Variants in PTPRZ1 observed in about 807,000 individuals in gnomAD.
PTPRZ1 encodes the protein receptor-type tyrosine-protein phosphatase zeta.
PTPRZ1 carries 82 observed loss-of-function variants against 214.1 expected under a neutral mutation model. The observed-to-expected ratio is 0.38, with a 90% CI of 0.32 to 0.46. The LOEUF is 0.46. Ranked by LOEUF, PTPRZ1 falls within the 20% of genes least tolerant of loss-of-function variation. PTPRZ1 has a pLI of 1.00. For missense variants in PTPRZ1, 2,603 were observed against 2,748.7 expected (o/e 0.95, Z 1.19); for synonymous variants, 945 against 987.9 (o/e 0.96, Z 0.81).
intron 24 of PTPRZ1, 65 bp downstream of exon 24, chr7:122,051,586 G>A (rs1052397119): frequency 4.3e-6 from 6 of 1,402,154 alleles, no homozygotes; most frequent in Non-Finnish European, 6.0e-6. Context: ...TAGGAAATTT[G>A]GCAATATTTG....
chr7:121,884,312 CTA>C (rs1794333533), intron 1 of PTPRZ1, among the ~76,000 whole-genome samples: 1 of 151,948 alleles, frequency 6.6e-6, no homozygotes, highest in Non-Finnish European at 1.5e-5. Context: ...ATATATGCAT[CTA>C]TATACACACC....
chr7:121,969,156 T>G (rs957759046), intron 3 of PTPRZ1, among the ~76,000 whole-genome samples: 3 of 152,190 alleles, frequency 2.0e-5, no homozygotes, highest in Admixed American at 6.5e-5. Context: ...AAGAATCACT[T>G]GAACTCAAGA....
intron 27 of PTPRZ1, among the ~76,000 whole-genome samples, chr7:122,057,842 G>A (rs1050406035): frequency 2.0e-5 from 3 of 151,158 alleles, no homozygotes; most frequent in Admixed American, 6.6e-5. Flanking sequence ...TTGACTTTTT[G>A]TATTATATTT....
chr7:122,046,914 A>G (rs1242427246), intron 23 of PTPRZ1, among the ~76,000 whole-genome samples: 1 of 152,214 alleles, frequency 6.6e-6, no homozygotes, highest in Non-Finnish European at 1.5e-5. Context: ...CCAATTAAAA[A>G]TGAAATGTCT....
chr7:121,960,062 G>A (rs967116745), intron 2 of PTPRZ1, among the ~76,000 whole-genome samples: 4 of 152,090 alleles, frequency 2.6e-5, no homozygotes, highest in Admixed American at 6.6e-5. Context: ...TTTTTGAGGC[G>A]GTGTCTTGCT....
chr7:122,044,105 T>C (rs915420381), intron 22 of PTPRZ1, among the ~76,000 whole-genome samples: 3 of 152,016 alleles, frequency 2.0e-5, no homozygotes, highest in Admixed American at 2.0e-4. Context: ...TCTCATGAAG[T>C]ATAGAGGTGT....
In PTPRZ1 at chr7:122,012,188, T is replaced by C; in HGVS notation, c.3142T>C (p.Tyr1048His). The C allele has an allele frequency of 1.2e-6, 2 of 1,613,946 alleles. No individual in the cohort carries two copies. Among genetic ancestry groups the C allele is most frequent in the Non-Finnish European group, 1.7e-6 (2 of 1,179,820 alleles). The change falls in exon 12 of 30, where the codon TAT becomes CAT. Residue 1048 changes from tyrosine (Y) to histidine (H), a missense_variant. By Grantham distance (83) the Tyr-to-His change is moderately conservative. Coordinates refer to ENST00000393386, the MANE Select transcript of PTPRZ1 (RefSeq NM_002851.3). ...GGCGCTTTCTAAAAGTGAAATAATA[T>C]ATGGAAATGAGACTGAACTGCAAAT... ...NKALSKSEII[Y>H]GNETELQIPS...
Position 122,012,791 on chromosome 7 carries a change from ACTT to A in PTPRZ1, c.3748_3750del (p.Ser1250del). On this transcript the variant is annotated inframe_deletion, in exon 12 of 30. Transcript: ENST00000393386. ...TGTACCAGTTTTTGATGTGTCGCCT[ACTT>A]CTCATATGCACTCTGCTTCACTTCA... The A allele has an allele frequency of 6.2e-7, 1 of 1,611,562 alleles. No individual in the cohort carries two copies. Among genetic ancestry groups the A allele is most frequent in the Non-Finnish European group, 8.5e-7 (1 of 1,177,746 alleles).
At chr7:121,907,091 T>C (rs1584625062) in intron 1 of PTPRZ1, among the ~76,000 whole-genome samples, 1 of 152,108 alleles carries the variant, frequency 6.6e-6, no homozygotes, top group African/African-American at 2.4e-5. Flanking sequence ...ACACTATTCA[T>C]AGAGTTCAAT....
intron 11 of PTPRZ1, among the ~76,000 whole-genome samples, chr7:122,007,609 A>G (rs947031849): frequency 6.6e-6 from 1 of 152,160 alleles, no homozygotes; most frequent in Non-Finnish European, 1.5e-5. Context: ...TGCATGGAAT[A>G]TATTCATAAT....
chr7:122,010,510 A>G lies in PTPRZ1; in HGVS notation c.1464A>G (p.Glu488=), dbSNP rs1207245353. The stretch of plus-strand genomic sequence containing the variant: ...ACCGATCCCCAACAAGAGGAAGTGA[A>G]TTCTCTGGAAAGGGTGATGTTCCCA... The part of the protein sequence containing the change: ...KTNRSPTRGS[E]FSGKGDVPNT... Residue 488 remains glutamate (E), a synonymous_variant, in exon 12 of 30, where the codon GAA becomes GAG. Coordinates refer to ENST00000393386, the MANE Select transcript of PTPRZ1 (RefSeq NM_002851.3). 6.2e-7 allele frequency: 1 copy of G among 1,613,912 alleles called. No homozygotes were observed. The highest frequency in any genetic ancestry group is 1.3e-5 in the African/African-American group (1 of 74,926).
intron 23 of PTPRZ1, among the ~76,000 whole-genome samples, chr7:122,045,049 C>T (rs1438245825): frequency 6.6e-6 from 1 of 152,156 alleles, no homozygotes; most frequent in East Asian, 1.9e-4. Context: ...CTCCCCCTCA[C>T]CCTGTCTCAA....
At chr7:121,959,013 C>T (rs1349695204) in intron 2 of PTPRZ1, among the ~76,000 whole-genome samples, 5 of 152,038 alleles carry the variant, frequency 3.3e-5, no homozygotes, top group Admixed American at 2.6e-4. Context: ...TTAGTAGAGG[C>T]GGGGTTTCAC....
Position 122,010,412 on chromosome 7 carries a change from A to G in PTPRZ1, c.1366A>G (p.Lys456Glu). The change falls in exon 12 of 30, where the codon AAA (lysine) becomes GAA (glutamate). Residue 456 changes from lysine (K) to glutamate (E), a missense_variant. By Grantham distance (56) the Lys-to-Glu change is moderately conservative. Coordinates refer to ENST00000393386, the MANE Select transcript of PTPRZ1 (RefSeq NM_002851.3). ...GRDSATNQIR[K>E]KEPQISTTTH... is the part of the protein sequence containing the mutation. ...AGACAGTGCTACAAACCAAATCAGGAAAAAGGAACCCCAGATTTCTACCAC... is the reference window on the plus strand; with the variant it reads ...AGACAGTGCTACAAACCAAATCAGGGAAAAGGAACCCCAGATTTCTACCAC... 1.2e-6 allele frequency: 2 copies of G among 1,613,848 alleles called. No individual in the cohort carries two copies. Among genetic ancestry groups the G allele is most frequent in the Non-Finnish European group, 8.5e-7 (1 of 1,179,800 alleles).
chr7:122,003,292 G>A (rs1242349073), intron 10 of PTPRZ1, among the ~76,000 whole-genome samples: 1 of 152,100 alleles, frequency 6.6e-6, no homozygotes, highest in Non-Finnish European at 1.5e-5. Flanking sequence ...GATTGTGATT[G>A]TTTCTAGTGA....
At chr7:121,981,770 TG>T (rs1191931147) in intron 6 of PTPRZ1, among the ~76,000 whole-genome samples, 1 of 147,294 alleles carries the variant, frequency 6.8e-6, no homozygotes, top group Admixed American at 6.6e-5. Flanking sequence ...CCATATTTAT[TG>T]GTGTGTGTGT....
At chr7:121,877,016 C>G (rs1432513873) in intron 1 of PTPRZ1, among the ~76,000 whole-genome samples, 1 of 152,114 alleles carries the variant, frequency 6.6e-6, no homozygotes, top group Admixed American at 6.6e-5. Context: ...AATGGAACCC[C>G]CTCAGTCAGG....
chr7:122,028,889 G>A (rs750465578), intron 14 of PTPRZ1, among the ~76,000 whole-genome samples: 1 of 151,884 alleles, frequency 6.6e-6, no homozygotes, highest in Non-Finnish European at 1.5e-5. Flanking sequence ...TTGTTCAGGT[G>A]TATTATGTTA....
At chr7:122,049,103 A>G (rs1328489411) in intron 23 of PTPRZ1, among the ~76,000 whole-genome samples, 2 of 152,154 alleles carry the variant, frequency 1.3e-5, no homozygotes, top group Non-Finnish European at 2.9e-5. Context: ...GACCCTGTCA[A>G]TTAATACAGG....
Sources: gnomAD v4.1 joint callset for allele counts (sites outside exome capture counted in the v4.1 genomes callset) on GRCh38, gnomAD v4.1.1 for gene constraint, MANE v1.5 for transcripts, NCBI Gene and HGNC (gene_info 2026-07-23, HGNC 2026-07-21) for gene names.